The following CIZ1 variants were observed in gnomAD, a reference collection of about 807,000 sequenced individuals.
CIZ1 encodes the protein cip1-interacting zinc finger protein.
CIZ1 carries 58 observed loss-of-function variants against 118.6 expected under a neutral mutation model. The observed-to-expected ratio is 0.49, with a 90% CI of 0.40 to 0.61. The LOEUF (loss-of-function observed/expected upper bound fraction) is 0.61. CIZ1 is among the 20% of genes least tolerant of loss of function. The pLI, the probability that CIZ1 is intolerant of heterozygous loss-of-function variation, is 0.00. For synonymous variants in CIZ1, 448 were observed against 443.4 expected, an observed-to-expected ratio of 1.01 and a Z score of -0.13; for missense variants, 921 against 1,115.9, an observed-to-expected ratio of 0.83 and a Z score of 2.49.
intron 4 of CIZ1, among the ~76,000 whole-genome samples, chr9:128,187,184 G>A (rs889660268): frequency 2.0e-5 from 3 of 152,058 alleles, no homozygotes; most frequent in Admixed American, 6.6e-5. Context: ...AGGGTGATCC[G>A]CCCACCTTGG....
In CIZ1 at chr9:128,180,726, G is replaced by A. The variant is rs1831483312; in HGVS notation, c.677C>T (p.Pro226Leu). 1 of 1,605,098 alleles carries A rather than the reference G, an allele frequency of 6.2e-7. No individual in the cohort carries two copies. Among genetic ancestry groups the A allele is most frequent in the Non-Finnish European group, 8.5e-7 (1 of 1,175,920 alleles). ...EEAAEPRMDT[P>L]EDQDLPPCPE... ...CAGCAGCCTCCCTCCCTCACCTTCT[G>A]GTGTGTCCATCCGGGGCTCTGCGGC... The change falls in exon 6 of 17, where the codon CCA (proline) becomes CTA (leucine). Residue 226 changes from proline to leucine, a missense_variant. Transcript: ENST00000372938.
chr9:128,174,037 CAAAG>C (rs1488559207), intron 11 of CIZ1, among the ~76,000 whole-genome samples: 1 of 145,406 alleles, frequency 6.9e-6, no homozygotes, highest in Non-Finnish European at 1.5e-5. Flanking sequence ...AAAAAAAAAA[CAAAG>C]AAATAGCTAA....
chr9:128,170,469 T>A (rs1564247488), intron 11 of CIZ1, among the ~76,000 whole-genome samples: 1 of 152,196 alleles, frequency 6.6e-6, no homozygotes, highest in Non-Finnish European at 1.5e-5. Context: ...CTGGGCAACA[T>A]GGGGAAACCC....
chr9:128,170,868 C>G (rs994197900), intron 11 of CIZ1, among the ~76,000 whole-genome samples: 1 of 152,182 alleles, frequency 6.6e-6, no homozygotes, highest in East Asian at 1.9e-4. Flanking sequence ...GGCATAGTGG[C>G]TCACACCTGT....
rs781428164 is a variant in CIZ1 at position 128,178,825 on chromosome 9, G to A, written c.1382C>T (p.Thr461Ile). Residue 461 changes from threonine to isoleucine, a missense_variant, in exon 8 of 17, where the codon ACC (threonine) becomes ATC (isoleucine). Transcript: ENST00000372938. ...CGGCTGGGTGTGAGGCTGCTCATGG[G>A]TCTGCTCTGGTGGCTGTACTGACAC... ...AQVSVQPPEQ[T>I]HEQPHTQPQV... 9 of 1,614,208 alleles carry A rather than the reference G, an allele frequency of 5.6e-6. No homozygotes were observed. Among genetic ancestry groups the A allele is most frequent in the Non-Finnish European group, 7.6e-6 (9 of 1,180,036 alleles).
At chr9:128,196,087 G>A (rs1200970179), upstream of CIZ1, among the ~76,000 whole-genome samples, 2 of 151,528 alleles carry the variant, frequency 1.3e-5, no homozygotes, top group South Asian at 2.1e-4. Context: ...GGCTGGTCTC[G>A]AACTCCTGAC....
rs1464459115 is a variant in CIZ1 at position 128,180,297 on chromosome 9, C to A, written c.791+118G>T. 5 of 742,106 alleles carry A rather than the reference C, an allele frequency of 6.7e-6. No individual in the cohort carries two copies. In the Admixed American group the frequency reaches 7.0e-5, roughly 10 times the overall value. 46.0% of individuals were successfully genotyped at this position (742,106 alleles called of 1,614,324 possible). On this transcript the variant is annotated intron_variant, in intron 7 of 16. Transcript: ENST00000372938. ...CTTCCTCCAAATCAGAGGCCAAGGCCCTTTCCTTGCTCCAGCTCCACTGAA... is the reference window on the plus strand; with the variant it reads ...CTTCCTCCAAATCAGAGGCCAAGGCACTTTCCTTGCTCCAGCTCCACTGAA...
At chr9:128,197,454 CA>C (rs2131045763) in intron 1 of CIZ1, 1 of 152,428 alleles carries the variant, frequency 6.6e-6, no homozygotes, top group East Asian at 1.9e-4. Flanking sequence ...CAGAGAAATA[CA>C]TAAGACCATA....
chr9:128,176,166 C>T (rs895449891), intron 11 of CIZ1, among the ~76,000 whole-genome samples, 185 bp downstream of exon 11: 1 of 152,194 alleles, frequency 6.6e-6, no homozygotes, highest in Non-Finnish European at 1.5e-5. Flanking sequence ...GTACTATATC[C>T]GTCACCAAGC....
At chr9:128,176,061 G>A (rs1258636982) in intron 11 of CIZ1, among the ~76,000 whole-genome samples, 1 of 152,184 alleles carries the variant, frequency 6.6e-6, no homozygotes, top group Non-Finnish European at 1.5e-5. Context: ...CATGCCACAG[G>A]GGGCAAGAGT....
chr9:128,167,330 C>T (rs1331421084), intron 14 of CIZ1, 166 bp from the exon 15 acceptor site: 5 of 595,220 alleles, frequency 8.4e-6, no homozygotes, highest in Non-Finnish European at 1.5e-5. Flanking sequence ...GTGATCCTGC[C>T]TCCCAGAGTG....
intron 14 of CIZ1, among the ~76,000 whole-genome samples, chr9:128,168,224 C>T (rs1564240643): frequency 6.6e-6 from 1 of 152,188 alleles, no homozygotes; most frequent in Non-Finnish European, 1.5e-5. Context: ...TGTTAAACTG[C>T]AAAGAATCTG....
intron 4 of CIZ1, among the ~76,000 whole-genome samples, 163 bp downstream of exon 4, chr9:128,187,700 A>G (rs1832553101): frequency 6.6e-6 from 1 of 152,182 alleles, no homozygotes; most frequent in Admixed American, 6.6e-5. Flanking sequence ...GGACATGGAC[A>G]AGTCACAAAA....
intron 10 of CIZ1, 87 bp downstream of exon 10, chr9:128,177,479 A>G: frequency 3.1e-6 from 3 of 952,940 alleles, no homozygotes; most frequent in Non-Finnish European, 4.5e-6. Context: ...GGCAGGGCCC[A>G]TTGCAGCCTG....
At chr9:128,176,321 AAC>A in intron 11 of CIZ1, 28 bp downstream of exon 11, 1 of 1,610,904 alleles carries the variant, frequency 6.2e-7, no homozygotes, top group Non-Finnish European at 8.5e-7. Flanking sequence ...CCTACCCCCC[AAC>A]ACAGAGCTTC....
chr9:128,166,654 G>A lies in CIZ1; in HGVS notation c.2487+105C>T, dbSNP rs568731896. ...TGTTGGTGCAGGGGTGGTGCCTGGG[G>A]ATTGAGGCCCTGCACAAGAGGGAGT... On this transcript the variant is annotated intron_variant, in intron 16 of 16. Transcript: ENST00000372938. This position sits in a 1 kb window ranked among gnomAD's most constrained non-coding sequence, Gnocchi z 4.4. 6.7e-5 allele frequency: 95 copies of A among 1,427,964 alleles called. No individual in the cohort carries two copies. The African/African-American group carries it at 1.3e-3, about 19-fold the overall frequency. The allele number at this position is 1,427,964 out of a possible 1,614,324, so 88.5% of individuals were successfully genotyped here.
At position 128,170,051 on chromosome 9, in the gene CIZ1, A is replaced by G. The variant is rs761908411; in HGVS notation, c.2000T>C (p.Leu667Pro). The G allele has an allele frequency of 1.2e-6, 2 of 1,613,940 alleles. No homozygotes were observed. Among genetic ancestry groups the G allele is most frequent in the African/African-American group, 2.7e-5 (2 of 75,060 alleles). ...NTCQLYYMGDLIQHRRTQDHK... is the reference protein window; with the variant it reads ...NTCQLYYMGDPIQHRRTQDHK... ...GTCCTGTGTCCTGCGGTGTTGGATC[A>G]GGTCCCCCATGTAGTAGAGCTGGCA... The change falls in exon 12 of 17, where the codon CTG becomes CCG. Residue 667 changes from leucine to proline, a missense_variant. By Grantham distance (98) the Leu-to-Pro change is moderately conservative. Transcript: ENST00000372938.
Position 128,178,760 on chromosome 9 carries a change from C to T in CIZ1, c.1447G>A (p.Val483Ile). The change falls in exon 8 of 17, where the codon GTT becomes ATT. Residue 483 changes from valine (V) to isoleucine (I), a missense_variant. Physicochemically the swap from Val to Ile is conservative, Grantham distance 29. Coordinates refer to ENST00000372938, the MANE Select transcript of CIZ1 (RefSeq NM_001131016.2). ...GGCATCTCCAGCCCGCAGACATGAA[C>T]CACAACTGGTGTTTGCTCTGGAGCC... Reference protein sequence around the residue: ...LLAPEQTPVVVHVCGLEMPPD... With the variant: ...LLAPEQTPVVIHVCGLEMPPD... 6.2e-7 allele frequency: 1 copy of T among 1,614,262 alleles called. No individual in the cohort carries two copies. The highest frequency in any genetic ancestry group is 8.5e-7 in the Non-Finnish European group (1 of 1,180,048).
At chr9:128,179,527 C>T (rs1281213902) in intron 7 of CIZ1, 112 bp from the exon 8 acceptor site, 2 of 907,828 alleles carry the variant, frequency 2.2e-6, no homozygotes, top group African/African-American at 1.7e-5. Flanking sequence ...AAACCCAGCA[C>T]TTTGGGAGGC....
Sources: allele counts gnomAD v4.1 joint callset (sites outside exome capture counted in the v4.1 genomes callset), GRCh38; gene constraint gnomAD v4.1.1; non-coding constraint Gnocchi (gnomAD v3.1); transcripts MANE v1.5; gene names NCBI Gene and HGNC (gene_info 2026-07-23, HGNC 2026-07-21).